The following GRAMD1B variants were observed in gnomAD, a reference collection of about 807,000 sequenced individuals.
The protein encoded by GRAMD1B is GRAM domain containing 1B.
Under a neutral mutation model 99.7 loss-of-function variants are expected in GRAMD1B, and 37 were observed. The ratio of observed to expected loss-of-function variants is 0.37; its 90% CI spans 0.29 to 0.49. The LOEUF (loss-of-function observed/expected upper bound fraction) is 0.49. Among genes scored for constraint, GRAMD1B ranks in the 20% least tolerant of loss-of-function variants. GRAMD1B has a pLI of 0.98. For synonymous variants in GRAMD1B, 427 were observed against 387.6 expected (o/e 1.10, Z -1.19); for missense variants, 888 against 1,009.2 (o/e 0.88, Z 1.63).
chr11:123,393,158 TACA>T (rs1272755531), intron 1 of GRAMD1B, among the ~76,000 whole-genome samples: 1 of 152,326 alleles, frequency 6.6e-6, no homozygotes, highest in African/African-American at 2.4e-5. Flanking sequence ...CTGGGTATTT[TACA>T]GATGAGGAAA....
chr11:123,464,311 A>G (rs1950566416), intron 1 of GRAMD1B, among the ~76,000 whole-genome samples: 1 of 152,094 alleles, frequency 6.6e-6, no homozygotes, highest in South Asian at 2.1e-4. Flanking sequence ...TGGCCTCTAA[A>G]ATAGTAATAA....
chr11:123,445,818 C>CAAAAAAA lies in GRAMD1B; in HGVS notation c.374+14666_374+14672dup, dbSNP rs36123733. Among the ~76,000 whole-genome samples, 190 of 94,108 alleles carry CAAAAAAA rather than the reference C, an allele frequency of 2.0e-3. 1 individual carries two copies. The highest frequency in any genetic ancestry group is 6.6e-3 in the African/African-American group (162 of 24,688). 61.7% of individuals were successfully genotyped at this position (94,108 alleles called of 152,430 possible). ...TGGGGAACAGAGTGACACTTGTCTCCAAAAAAAAAAAAAAAAAAAACAAGA... is the reference window on the plus strand; with the variant it reads ...TGGGGAACAGAGTGACACTTGTCTCCAAAAAAAAAAAAAAAAAAAAAAAAAAACAAGA... On this transcript the variant is annotated intron_variant, in intron 1 of 19. Coordinates refer to ENST00000635736, the MANE Select transcript of GRAMD1B (RefSeq NM_001387025.1).
intron 1 of GRAMD1B, among the ~76,000 whole-genome samples, chr11:123,380,016 C>G (rs995067016): frequency 1.3e-5 from 2 of 152,142 alleles, no homozygotes; most frequent in Non-Finnish European, 2.9e-5. Context: ...TAGGTCCTTT[C>G]TCCAGCTTTA....
intron 1 of GRAMD1B, among the ~76,000 whole-genome samples, chr11:123,466,330 GAAA>G (rs1950659420): frequency 7.1e-6 from 1 of 140,186 alleles, no homozygotes; most frequent in Non-Finnish European, 1.5e-5. Flanking sequence ...AAGAAAGAAA[GAAA>G]GAAGGAAGGA....
At chr11:123,382,349 C>T (rs1214937804) in intron 1 of GRAMD1B, among the ~76,000 whole-genome samples, 1 of 152,114 alleles carries the variant, frequency 6.6e-6, no homozygotes, top group Non-Finnish European at 1.5e-5. Context: ...CACTTCTGTA[C>T]CTAGGCCAGT....
rs1271482971 is a variant in GRAMD1B, at chr11:123,625,223, T to G, written c.*2628T>G. 6.6e-6 allele frequency: 1 copy of G among 152,258 alleles called. No individual in the cohort carries two copies. 9.4% of individuals were successfully genotyped at this position (152,258 alleles called of 1,614,324 possible). On this transcript the variant is annotated 3_prime_UTR_variant, in exon 20 of 20. Transcript: ENST00000635736. ...CCTGGCCATTTGCCTGGCTAGTTGC[T>G]GTCTACAAGGGAGCATCAAAACATC...
intron 8 of GRAMD1B, among the ~76,000 whole-genome samples, chr11:123,601,957 C>T (rs1487072960): frequency 6.6e-6 from 1 of 152,196 alleles, no homozygotes; most frequent in Non-Finnish European, 1.5e-5. Context: ...GAGAAGTCTG[C>T]AGAGAGCAAG....
At chr11:123,460,946 G>A (rs781512238) in intron 1 of GRAMD1B, among the ~76,000 whole-genome samples, 5 of 151,994 alleles carry the variant, frequency 3.3e-5, no homozygotes, top group East Asian at 1.9e-4. Context: ...TTCCTGGGCC[G>A]TCCAGGAAGA....
chr11:123,503,878 C>T (rs1940151330), intron 2 of GRAMD1B, among the ~76,000 whole-genome samples: 1 of 152,194 alleles, frequency 6.6e-6, no homozygotes, highest in South Asian at 2.1e-4. Context: ...ACTGCGTTTT[C>T]ACTTAAATCT....
chr11:123,534,009 G>A (rs914659805), intron 2 of GRAMD1B, among the ~76,000 whole-genome samples: 1 of 152,194 alleles, frequency 6.6e-6, no homozygotes, highest in Admixed American at 6.5e-5. Flanking sequence ...AGCATTTAAT[G>A]GTTTGAATTA....
intron 3 of GRAMD1B, chr11:123,578,477 A>G (rs780680978): frequency 1.5e-6 from 2 of 1,377,416 alleles, no homozygotes; most frequent in South Asian, 2.5e-5. Context: ...TCTAGTGTCG[A>G]TCTGTCTGTA....
At chr11:123,500,817 G>A (rs1480096726) in intron 2 of GRAMD1B, among the ~76,000 whole-genome samples, 1 of 152,014 alleles carries the variant, frequency 6.6e-6, no homozygotes, top group Admixed American at 6.6e-5. Context: ...GGGATTACAG[G>A]CACACACCAC....
intron 2 of GRAMD1B, among the ~76,000 whole-genome samples, chr11:123,558,165 G>A (rs1946355089): frequency 6.6e-6 from 1 of 151,546 alleles, no homozygotes; most frequent in Non-Finnish European, 1.5e-5. Flanking sequence ...TGTATTTTTA[G>A]TAGAGATGGG....
chr11:123,366,192 G>A (rs989116900), intron 1 of GRAMD1B, among the ~76,000 whole-genome samples: 8 of 152,180 alleles, frequency 5.3e-5, no homozygotes, highest in African/African-American at 1.9e-4. Flanking sequence ...CTGAGAAAGT[G>A]CATACCCAGG....
At chr11:123,447,606 G>T (rs1949700436) in intron 1 of GRAMD1B, among the ~76,000 whole-genome samples, 2 of 152,182 alleles carry the variant, frequency 1.3e-5, no homozygotes, top group African/African-American at 4.8e-5. Flanking sequence ...TCGCTGTGTG[G>T]TCCTGGGCAG....
chr11:123,466,888 C>G (rs1030575955), intron 1 of GRAMD1B, among the ~76,000 whole-genome samples: 2 of 152,066 alleles, frequency 1.3e-5, no homozygotes, highest in African/African-American at 4.8e-5. Flanking sequence ...GTGATTGAGG[C>G]CAAGGAAGCT....
At chr11:123,536,657 G>GT (rs1943990825) in intron 2 of GRAMD1B, among the ~76,000 whole-genome samples, 1 of 152,106 alleles carries the variant, frequency 6.6e-6, no homozygotes, top group Non-Finnish European at 1.5e-5. Flanking sequence ...ATTTACTACT[G>GT]TTTTTCATGC....
chr11:123,610,206 A>G lies in GRAMD1B; in HGVS notation c.1787A>G (p.Lys596Arg). 1 of 1,613,896 alleles carries G rather than the reference A, an allele frequency of 6.2e-7. No homozygotes were observed. Among genetic ancestry groups the G allele is most frequent in the Non-Finnish European group, 8.5e-7 (1 of 1,179,838 alleles). ...CTTTCCTGCCCGCAGACCATGTACA[A>G]GGCGAGCCAGGAGAGTGAATGTTAC... ...ATVRETQTMY[K>R]ASQESECYVI... The change falls in exon 14 of 20, where the codon AAG (lysine) becomes AGG (arginine). Residue 596 changes from lysine to arginine, a missense_variant. Coordinates refer to ENST00000635736, the MANE Select transcript of GRAMD1B (RefSeq NM_001387025.1). The surrounding 1 kb of genome is among the most constrained non-coding windows in gnomAD (Gnocchi z 4.1).
At chr11:123,557,152 C>T (rs1946262264) in intron 2 of GRAMD1B, among the ~76,000 whole-genome samples, 1 of 152,180 alleles carries the variant, frequency 6.6e-6, no homozygotes, top group South Asian at 2.1e-4. Context: ...TGATATAATT[C>T]AGTGAAATAA....
Sources: gnomAD v4.1 joint callset for allele counts (sites outside exome capture counted in the v4.1 genomes callset) on GRCh38, gnomAD v4.1.1 for gene constraint, Gnocchi (gnomAD v3.1) non-coding constraint, MANE v1.5 for transcripts, NCBI Gene and HGNC (gene_info 2026-07-23, HGNC 2026-07-21) for gene names.